Variants in USP48 observed in about 807,000 individuals in gnomAD.
USP48 encodes ubiquitin specific peptidase 48.
A neutral mutation model predicts 150.7 loss-of-function variants in USP48; 43 were observed. That is an observed-to-expected ratio of 0.29 (90% CI 0.22 to 0.37). The LOEUF (loss-of-function observed/expected upper bound fraction) is 0.37. Among genes scored for constraint, USP48 ranks in the 10% least tolerant of loss-of-function variants. USP48 has a pLI of 1.00. For synonymous variants in USP48, 396 were observed against 425.9 expected (o/e 0.93, Z 0.86); for missense variants, 813 against 1,249.6 (o/e 0.65, Z 5.27).
At chr1:21,747,213 T>A in intron 7 of USP48, 64 bp from the exon 8 acceptor site, 2 of 1,162,498 alleles carry the variant, frequency 1.7e-6, no homozygotes, top group Non-Finnish European at 2.4e-6. Flanking sequence ...ATATAAGCTC[T>A]ATTAGCTATT....
At chr1:21,700,762 C>T (rs1226455108) in intron 22 of USP48, among the ~76,000 whole-genome samples, 2 of 152,350 alleles carry the variant, frequency 1.3e-5, no homozygotes, top group South Asian at 2.1e-4. Flanking sequence ...CATATTCCCA[C>T]GATTTCCTGT....
chr1:21,767,930 AG>A (rs1367508176), intron 1 of USP48, among the ~76,000 whole-genome samples: 1 of 152,110 alleles, frequency 6.6e-6, no homozygotes, highest in East Asian at 1.9e-4. Flanking sequence ...AAAACAGGTC[AG>A]GCATGGTGGC....
Position 21,753,066 on chromosome 1 carries a change from G to T in USP48, c.466C>A (p.Gln156Lys). 6.2e-7 allele frequency: 1 copy of T among 1,612,470 alleles called. No homozygotes were observed. The change falls in exon 4 of 27, where the codon CAA becomes AAA. Residue 156 changes from glutamine to lysine, a missense_variant. Transcript: ENST00000308271. ...EHLQYLFALL[Q>K]NSNRRYIDPS... ...TCAATGTATCGCCTATTACTGTTTT[G>T]CAACAAGGCAAACAAGTACTGGAGA...
At chr1:21,737,672 C>T (rs1157527107) in intron 8 of USP48, among the ~76,000 whole-genome samples, 1 of 152,126 alleles carries the variant, frequency 6.6e-6, no homozygotes, top group African/African-American at 2.4e-5. Context: ...TTAATAAACC[C>T]ACATAACCAC....
chr1:21,687,686 C>T (rs2097583489), intron 24 of USP48, among the ~76,000 whole-genome samples: 1 of 152,084 alleles, frequency 6.6e-6, no homozygotes, highest in Non-Finnish European at 1.5e-5. Context: ...AACAAGATAC[C>T]CATTTCCTTT....
At chr1:21,719,429 T>C (rs1006686883) in intron 14 of USP48, among the ~76,000 whole-genome samples, 3 of 151,984 alleles carry the variant, frequency 2.0e-5, no homozygotes, top group Non-Finnish European at 4.4e-5. Context: ...GGAAGATCAA[T>C]ACCAAATAAA....
chr1:21,688,842 C>CAAAAA (rs1185263002), intron 24 of USP48, among the ~76,000 whole-genome samples: 38 of 88,766 alleles, frequency 4.3e-4, no homozygotes, highest in East Asian at 7.0e-4. Context: ...GACTCCATCT[C>CAAAAA]AAAAAAAAAA....
intron 1 of USP48, among the ~76,000 whole-genome samples, chr1:21,761,899 A>G (rs556936283): frequency 2.7e-4 from 41 of 152,318 alleles, no homozygotes; most frequent in African/African-American, 9.6e-4. Flanking sequence ...CACTGTGGGG[A>G]GAAGAAGCTA....
At chr1:21,727,583 C>T (rs2097742451) in intron 11 of USP48, among the ~76,000 whole-genome samples, 3 of 152,138 alleles carry the variant, frequency 2.0e-5, no homozygotes, top group Non-Finnish European at 4.4e-5. Flanking sequence ...GTCCCAACAC[C>T]TTTGAACAAA....
chr1:21,696,928 G>A (rs534781166), intron 22 of USP48, among the ~76,000 whole-genome samples: 2 of 152,006 alleles, frequency 1.3e-5, no homozygotes, highest in South Asian at 2.1e-4. Flanking sequence ...GAGAGGCGCA[G>A]GGGAGATTCT....
chr1:21,757,791 G>GAAA lies in USP48; in HGVS notation c.135-11_135-9dup. The GAAA allele has an allele frequency of 6.8e-7, 1 of 1,461,632 alleles. No homozygotes were observed. The highest frequency in any genetic ancestry group is 1.4e-5 in the South Asian group (1 of 73,620). The allele number at this position is 1,461,632 out of a possible 1,614,324, so 90.5% of individuals were successfully genotyped here. On this transcript the variant is annotated splice_polypyrimidine_tract_variant and intron_variant, in intron 1 of 26. Coordinates refer to ENST00000308271, the MANE Select transcript of USP48 (RefSeq NM_032236.8). ...TTTCCTTTGCAGTTTCGTCTAAGGG[G>GAAA]AAAAAAAAAACCTTTAATTTTTAAA... is the stretch of plus-strand genomic sequence containing the variant.
At chr1:21,758,031 G>C (rs1381504412) in intron 1 of USP48, among the ~76,000 whole-genome samples, 1 of 152,088 alleles carries the variant, frequency 6.6e-6, no homozygotes. Flanking sequence ...AGGATTTACT[G>C]TTCCTTAGGC....
At chr1:21,755,254 T>C (rs923809353) in intron 3 of USP48, among the ~76,000 whole-genome samples, 1 of 151,998 alleles carries the variant, frequency 6.6e-6, no homozygotes, top group Admixed American at 6.6e-5. Flanking sequence ...TGCAAAAGCA[T>C]TGCAGGCCAG....
intron 9 of USP48, among the ~76,000 whole-genome samples, chr1:21,732,453 C>A (rs2097759284): frequency 6.6e-6 from 1 of 152,096 alleles, no homozygotes; most frequent in African/African-American, 2.4e-5. Context: ...TATAACCTCT[C>A]AGCCAGTGAC....
At chr1:21,701,074 A>G (rs1235672712) in intron 22 of USP48, among the ~76,000 whole-genome samples, 2 of 146,056 alleles carry the variant, frequency 1.4e-5, no homozygotes, top group African/African-American at 5.1e-5. Context: ...CAAAAAAAAA[A>G]AAAAAAAAAA....
At chr1:21,758,606 C>T (rs113134752) in intron 1 of USP48, among the ~76,000 whole-genome samples, 11,587 of 151,778 alleles carry the variant, frequency 0.076, 497 homozygotes, top group Middle Eastern at 0.11. Flanking sequence ...AAAAATTAGC[C>T]GGGCGTGGCG....
At chr1:21,767,117 C>T (rs568104195) in intron 1 of USP48, among the ~76,000 whole-genome samples, 2 of 152,244 alleles carry the variant, frequency 1.3e-5, no homozygotes, top group East Asian at 3.9e-4. Context: ...CTCCTGGGCA[C>T]TCAGGGTGTA....
chr1:21,751,267 A>G (rs1024730906), intron 6 of USP48, among the ~76,000 whole-genome samples: 5 of 152,230 alleles, frequency 3.3e-5, no homozygotes, highest in East Asian at 3.8e-4. Context: ...TCACAGAATA[A>G]TATCTTCTCA....
chr1:21,697,071 G>A (rs539032778), intron 22 of USP48, among the ~76,000 whole-genome samples: 3 of 152,204 alleles, frequency 2.0e-5, no homozygotes, highest in Admixed American at 6.5e-5. Flanking sequence ...AATGTCAGCC[G>A]TGTATAAGCA....
Sources: gnomAD v4.1 joint callset for allele counts (sites outside exome capture counted in the v4.1 genomes callset) on GRCh38, gnomAD v4.1.1 for gene constraint, MANE v1.5 for transcripts, NCBI Gene and HGNC (gene_info 2026-07-23, HGNC 2026-07-21) for gene names.